NPHS1: variants seen among roughly 807,000 people sequenced by gnomAD.
NPHS1 encodes the protein nephrin.
In NPHS1, 107 loss-of-function variants were observed where a neutral mutation model predicts 139.7. The ratio of observed to expected loss-of-function variants is 0.77; its 90% CI spans 0.66 to 0.90. The LOEUF is 0.90. Among genes scored for constraint, NPHS1 ranks in the 40% least tolerant of loss-of-function variants. The probability of loss-of-function intolerance (pLI) is 0.00; values close to 1 mark genes in which losing one functional copy is unlikely to be tolerated. For missense variants in NPHS1, 1,580 were observed against 1,654.2 expected (o/e 0.96, Z 0.78); for synonymous variants, 707 against 706.6 (o/e 1.00, Z -0.01).
chr19:35,851,819 G>C lies in NPHS1; in HGVS notation c.19C>G (p.Leu7Val), dbSNP rs202032966. The change falls in exon 1 of 29, where the codon CTC (leucine) becomes GTC (valine). Residue 7 changes from leucine to valine, a missense_variant. Physicochemically the swap from Leu to Val is conservative, Grantham distance 32 (BLOSUM62 1). Coordinates refer to ENST00000378910, the MANE Select transcript of NPHS1 (RefSeq NM_004646.4). ...CCCAGGAGCAGGAGAGAAGCCCTGA[G>C]CGTCGTCCCCAGGGCCATCACAGGT... is the stretch of plus-strand genomic sequence containing the variant. MALGTT[L>V]RASLLLLGLL... 7 of 1,552,310 alleles carry C rather than the reference G, an allele frequency of 4.5e-6. No individual in the cohort carries two copies. In the East Asian group the frequency reaches 1.7e-4, roughly 38 times the overall value.
chr19:35,825,535 G>A lies in NPHS1; in HGVS notation c.*979C>T, dbSNP rs1046053908. On this transcript the variant is annotated 3_prime_UTR_variant, in exon 29 of 29. Coordinates refer to ENST00000378910, the MANE Select transcript of NPHS1 (RefSeq NM_004646.4). ...CCAACACCTCAGAAAGTTCTCCCAT[G>A]CCTTTTTGCAGTCAACCCTCCTCTC... Among the ~76,000 whole-genome samples, 6 of 152,086 alleles carry A rather than the reference G, an allele frequency of 3.9e-5. No individual in the cohort carries two copies. Among genetic ancestry groups the A allele is most frequent in the Non-Finnish European group, 8.8e-5 (6 of 68,018 alleles).
chr19:35,837,066 GAA>G (rs1972977361), intron 22 of NPHS1, among the ~76,000 whole-genome samples: 1 of 126,506 alleles, frequency 7.9e-6, no homozygotes. Flanking sequence ...AAGAAAGAAA[GAA>G]AGAAAAATAA....
At chr19:35,835,293 CTTTTTTT>C (rs34868479) in intron 23 of NPHS1, among the ~76,000 whole-genome samples, 2 of 38,094 alleles carry the variant, frequency 5.3e-5, no homozygotes, top group African/African-American at 1.6e-4. Context: ...AGAACTAAGT[CTTTTTTT>C]TTTTTTTTTT....
intron 11 of NPHS1, among the ~76,000 whole-genome samples, chr19:35,847,391 G>A (rs1273406370): frequency 2.6e-5 from 3 of 113,846 alleles, no homozygotes; most frequent in East Asian, 5.2e-4. Context: ...TTTCGGTCTC[G>A]TTGCCCAGAC....
At chr19:35,839,750 G>A in intron 20 of NPHS1, 143 bp from the exon 21 acceptor site, 2 of 723,868 alleles carry the variant, frequency 2.8e-6, no homozygotes, top group South Asian at 3.1e-5. Flanking sequence ...AGGTCATGGT[G>A]AACACTGCTC....
intron 3 of NPHS1, 66 bp downstream of exon 3, chr19:35,851,196 C>T (rs569075563): frequency 1.7e-5 from 28 of 1,613,290 alleles, no homozygotes; most frequent in South Asian, 9.9e-5. Flanking sequence ...CTTGGACTTC[C>T]GGGTTGCGGG....
intron 28 of NPHS1, among the ~76,000 whole-genome samples, chr19:35,830,320 C>G (rs954637708): frequency 6.6e-6 from 1 of 152,246 alleles, no homozygotes; most frequent in East Asian, 1.9e-4. Context: ...TCACCTTTTC[C>G]CATGGGTTGA....
Position 35,850,994 on chromosome 19 carries a change from C to T in NPHS1, c.493G>A (p.Ala165Thr), listed in dbSNP as rs190112072. 18 of 1,614,144 alleles carry T rather than the reference C, an allele frequency of 1.1e-5. No homozygotes were observed. Among genetic ancestry groups the T allele is most frequent in the East Asian group, 6.7e-5 (3 of 44,882 alleles). ...EYVVNCVSGD[A>T]KPAPDITILL... ...ATGGTGATGTCAGGTGCTGGCTTCG[C>T]GTCCCCAGACACACAGTTGACCACG... Residue 165 changes from alanine (A) to threonine (T), a missense_variant, in exon 4 of 29, where the codon GCG becomes ACG. Transcript: ENST00000378910.
chr19:35,844,337 C>A lies in NPHS1; in HGVS notation c.2053G>T (p.Gly685Cys). Residue 685 changes from glycine (G) to cysteine (C), a missense_variant, in exon 15 of 29, where the codon GGC becomes TGC. By Grantham distance (159) the Gly-to-Cys change is radical. Transcript: ENST00000378910. ...APEAFNWTFRGYRLSPAGGPR... is the reference protein window; with the variant it reads ...APEAFNWTFRCYRLSPAGGPR... ...CCCTCACCTGGACTGAGGCGATAGCCGCGGAAGGTCCAGTTGAAGGCCTCG... is the reference window on the plus strand; with the variant it reads ...CCCTCACCTGGACTGAGGCGATAGCAGCGGAAGGTCCAGTTGAAGGCCTCG... 6.2e-7 allele frequency: 1 copy of A among 1,613,920 alleles called. No homozygotes were observed. The highest frequency in any genetic ancestry group is 8.5e-7 in the Non-Finnish European group (1 of 1,179,964).
intron 20 of NPHS1, among the ~76,000 whole-genome samples, chr19:35,840,533 A>T (rs549083300): frequency 6.9e-6 from 1 of 145,300 alleles, no homozygotes; most frequent in African/African-American, 2.6e-5. Flanking sequence ...ACGGGTTTTC[A>T]CTATGTTAGC....
At chr19:35,841,218 C>T (rs1973050938) in intron 20 of NPHS1, among the ~76,000 whole-genome samples, 1 of 151,864 alleles carries the variant, frequency 6.6e-6, no homozygotes, top group South Asian at 2.1e-4. Flanking sequence ...ACTAGAAATA[C>T]AAAAATTAGC....
At chr19:35,834,260 G>A (rs1229269302) in intron 23 of NPHS1, among the ~76,000 whole-genome samples, 1 of 152,076 alleles carries the variant, frequency 6.6e-6, no homozygotes, top group Non-Finnish European at 1.5e-5. Context: ...AAAAAGTCAA[G>A]AAGAGACACG....
At chr19:35,849,766 T>G (rs1973205397) in intron 5 of NPHS1, 113 bp from the exon 6 acceptor site, 2 of 771,036 alleles carry the variant, frequency 2.6e-6, no homozygotes, top group Non-Finnish European at 4.5e-6. Context: ...TAAGTCCCCA[T>G]GCTGATCTCC....
At chr19:35,832,886 CAA>C (rs748346116) in intron 23 of NPHS1, among the ~76,000 whole-genome samples, 125 of 45,414 alleles carry the variant, frequency 2.8e-3, no homozygotes, top group African/African-American at 8.5e-3. Context: ...GACCCTGTCT[CAA>C]AAAAAAAAAA....
intron 23 of NPHS1, among the ~76,000 whole-genome samples, chr19:35,834,401 C>A (rs1366202671): frequency 2.0e-5 from 3 of 152,156 alleles, no homozygotes; most frequent in Non-Finnish European, 4.4e-5. Flanking sequence ...CCAGCCCAGA[C>A]CAGCACTGTT....
rs73928330 is a variant in NPHS1, at chr19:35,851,795, C to G, written c.43G>C (p.Gly15Arg). 8.2e-4 allele frequency: 1,267 copies of G among 1,553,412 alleles called. 7 individuals are homozygous for G. The African/African-American group carries it at 0.015, about 18-fold the overall frequency. ...TCCCACTCACCTTCAGTCAGCAGCCCCAGGAGCAGGAGAGAAGCCCTGAGC... is the reference window on the plus strand; with the variant it reads ...TCCCACTCACCTTCAGTCAGCAGCCGCAGGAGCAGGAGAGAAGCCCTGAGC... ...TTLRASLLLL[G>R]LLTEGLAQLA... Residue 15 changes from glycine (G) to arginine (R), a missense_variant, in exon 1 of 29, where the codon GGG becomes CGG. Transcript: ENST00000378910.
At chr19:35,844,279 TC>T in intron 15 of NPHS1, 36 bp from the exon 16 acceptor site, 1 of 1,613,684 alleles carries the variant, frequency 6.2e-7, no homozygotes, top group Non-Finnish European at 8.5e-7. Context: ...TGGCAGGACC[TC>T]CCATCCCCGG....
rs1261220304 is a variant in NPHS1, at chr19:35,845,427, C to A, written c.1871G>T (p.Arg624Leu). The A allele has an allele frequency of 3.1e-6, 5 of 1,614,096 alleles. No homozygotes were observed. The highest frequency in any genetic ancestry group is 4.2e-6 in the Non-Finnish European group (5 of 1,180,044). ...SRDHGQRVTC[R>L]AHSAELRETV... is the part of the protein sequence containing the mutation. ...TTCGCGGAGCTCGGCGCTGTGGGCG[C>A]GGCAGGTCACGCGCTGGCCATGATC... The change falls in exon 14 of 29, where the codon CGC (arginine) becomes CTC (leucine). Residue 624 changes from arginine to leucine, a missense_variant. Arg to Leu is a moderately radical substitution (Grantham distance 102). Transcript: ENST00000378910. This position sits in a 1 kb window ranked among gnomAD's most constrained non-coding sequence, Gnocchi z 5.5.
In NPHS1 at chr19:35,845,792, G is replaced by T. The variant is rs1973131142; in HGVS notation, c.1634C>A (p.Pro545Gln). ...ASTQLAVQFP[P>Q]TNVTILANAS... ...GTTGGCCAGGATCGTCACGTTAGTT[G>T]GGGGAACTGGGAGACGGGGTTGGAG... Residue 545 changes from proline to glutamine, a missense_variant, in exon 13 of 29, where the codon CCA becomes CAA. Transcript: ENST00000378910. This position sits in a 1 kb window ranked among gnomAD's most constrained non-coding sequence, Gnocchi z 5.5. 1 of 1,612,356 alleles carries T rather than the reference G, an allele frequency of 6.2e-7. No homozygotes were observed. The highest frequency in any genetic ancestry group is 8.5e-7 in the Non-Finnish European group (1 of 1,178,752).
Sources: allele counts gnomAD v4.1 joint callset (sites outside exome capture counted in the v4.1 genomes callset), GRCh38; gene constraint gnomAD v4.1.1; non-coding constraint Gnocchi (gnomAD v3.1); transcripts MANE v1.5; gene names NCBI Gene and HGNC (gene_info 2026-07-23, HGNC 2026-07-21).